CNTLN: variants seen among roughly 807,000 people sequenced by gnomAD.
The protein encoded by CNTLN is centlein, centrosomal protein.
CNTLN carries 212 observed loss-of-function variants against 180.0 expected under a neutral mutation model. The ratio of observed to expected loss-of-function variants is 1.18; its 90% confidence interval spans 1.05 to 1.32. CNTLN has a LOEUF of 1.32. Ranked by LOEUF, CNTLN falls within the 40% of genes most tolerant of loss-of-function variation. The probability of loss-of-function intolerance (pLI) is 0.00; values close to 1 mark genes in which losing one functional copy is unlikely to be tolerated. For missense variants in CNTLN, 2,095 were observed against 1,610.9 expected (o/e 1.30, Z -5.14); for synonymous variants, 722 against 563.1 (o/e 1.28, Z -3.99).
intron 12 of CNTLN, among the ~76,000 whole-genome samples, chr9:17,359,816 C>T (rs930598895): frequency 1.4e-5 from 2 of 145,114 alleles, no homozygotes; most frequent in East Asian, 2.1e-4. Flanking sequence ...AGGAGAATGG[C>T]GTGAACCTGG....
intron 2 of CNTLN, among the ~76,000 whole-genome samples, chr9:17,215,085 G>A (rs374351356): frequency 9.9e-5 from 15 of 152,284 alleles, no homozygotes; most frequent in African/African-American, 2.9e-4. Flanking sequence ...GCTTTGTTCC[G>A]TTGCTGGCGA....
At chr9:17,313,536 T>C (rs1479668999) in intron 8 of CNTLN, among the ~76,000 whole-genome samples, 2 of 152,122 alleles carry the variant, frequency 1.3e-5, no homozygotes, top group African/African-American at 2.4e-5. Context: ...TTGTCCGGCT[T>C]TCCTTTTTTC....
At chr9:17,291,657 G>C (rs1385031021) in intron 6 of CNTLN, among the ~76,000 whole-genome samples, 1 of 152,020 alleles carries the variant, frequency 6.6e-6, no homozygotes, top group Non-Finnish European at 1.5e-5. Flanking sequence ...CCATTTGCTT[G>C]GTATATTTTC....
At chr9:17,489,091 T>C (rs375016029) in intron 25 of CNTLN, among the ~76,000 whole-genome samples, 19 of 152,292 alleles carry the variant, frequency 1.2e-4, no homozygotes, top group Middle Eastern at 6.8e-3. Flanking sequence ...TGAATGTCAC[T>C]TTATAATTAC....
chr9:17,313,931 T>G (rs558014635), intron 8 of CNTLN, among the ~76,000 whole-genome samples: 24 of 152,242 alleles, frequency 1.6e-4, no homozygotes, highest in African/African-American at 5.8e-4. Context: ...CAAGTGGCAT[T>G]CAGCACATGC....
intron 5 of CNTLN, among the ~76,000 whole-genome samples, chr9:17,256,070 C>T (rs1211050974): frequency 6.6e-6 from 1 of 151,756 alleles, no homozygotes; most frequent in Non-Finnish European, 1.5e-5. Flanking sequence ...CAGCTAAATC[C>T]ATATTGCTGA....
chr9:17,189,377 C>T (rs575539056), intron 2 of CNTLN, among the ~76,000 whole-genome samples: 5 of 150,610 alleles, frequency 3.3e-5, no homozygotes, highest in East Asian at 2.0e-4. Flanking sequence ...CCACCGTGCC[C>T]GGCCAGGACT....
intron 2 of CNTLN, among the ~76,000 whole-genome samples, chr9:17,192,068 T>C (rs1432347550): frequency 1.3e-5 from 2 of 152,192 alleles, no homozygotes; most frequent in African/African-American, 4.8e-5. Context: ...AATATTCCTA[T>C]ATACTATCAT....
the CNTLN span, among the ~76,000 whole-genome samples, chr9:17,516,442 A>G: frequency 6.6e-6 from 1 of 152,222 alleles, no homozygotes; most frequent in East Asian, 1.9e-4. Context: ...GAACCTTCAG[A>G]CATGAAGACC....
At chr9:17,268,828 G>A (rs1008648191) in intron 5 of CNTLN, among the ~76,000 whole-genome samples, 3 of 151,722 alleles carry the variant, frequency 2.0e-5, no homozygotes, top group Non-Finnish European at 2.9e-5. Flanking sequence ...TGTGGGCGTA[G>A]GACCCTCTGA....
chr9:17,153,324 T>C (rs889564774), intron 2 of CNTLN, among the ~76,000 whole-genome samples: 1 of 152,230 alleles, frequency 6.6e-6, no homozygotes, highest in Non-Finnish European at 1.5e-5. Context: ...AGTGCTTCTT[T>C]CAGAAGCTCT....
At chr9:17,159,253 C>T (rs543039837) in intron 2 of CNTLN, among the ~76,000 whole-genome samples, 47 of 152,302 alleles carry the variant, frequency 3.1e-4, no homozygotes, top group African/African-American at 1.1e-3. Context: ...CTTCTCTACA[C>T]TGTGTTGCAA....
intron 8 of CNTLN, among the ~76,000 whole-genome samples, chr9:17,320,717 G>T (rs1819852218): frequency 6.6e-6 from 1 of 151,862 alleles, no homozygotes; most frequent in Non-Finnish European, 1.5e-5. Context: ...TGGCCAGGCT[G>T]GTCTCGAACT....
intron 2 of CNTLN, among the ~76,000 whole-genome samples, chr9:17,225,022 C>G (rs1824375720): frequency 6.6e-6 from 1 of 151,838 alleles, no homozygotes; most frequent in Non-Finnish European, 1.5e-5. Flanking sequence ...TTATAGTTGC[C>G]TTTAAATTGT....
chr9:17,233,984 T>C (rs1394403385), intron 3 of CNTLN, among the ~76,000 whole-genome samples: 1 of 152,102 alleles, frequency 6.6e-6, no homozygotes, highest in East Asian at 1.9e-4. Flanking sequence ...TCAAAGATAA[T>C]GGTACAGTTG....
At chr9:17,401,926 T>TAG (rs1827009808) in intron 15 of CNTLN, among the ~76,000 whole-genome samples, 1 of 127,358 alleles carries the variant, frequency 7.9e-6, no homozygotes, top group Non-Finnish European at 1.8e-5. Flanking sequence ...AGGACTAATA[T>TAG]CCAGAAGATT....
At chr9:17,276,381 A>G (rs562499808) in intron 6 of CNTLN, among the ~76,000 whole-genome samples, 1 of 152,164 alleles carries the variant, frequency 6.6e-6, no homozygotes, top group African/African-American at 2.4e-5. Flanking sequence ...TTGAATCTTT[A>G]TGTTGTAATC....
At chr9:17,446,282 C>T in intron 18 of CNTLN, among the ~76,000 whole-genome samples, 1 of 152,194 alleles carries the variant, frequency 6.6e-6, no homozygotes, top group East Asian at 1.9e-4. Flanking sequence ...TCTCGTTCCA[C>T]CTTACGAGAA....
intron 12 of CNTLN, among the ~76,000 whole-genome samples, chr9:17,360,525 A>G (rs916175080): frequency 5.2e-4 from 79 of 152,180 alleles, no homozygotes; most frequent in African/African-American, 1.8e-3. Context: ...CCAGTTAGAT[A>G]TTGGCCTTGA....
Sources: allele counts gnomAD v4.1 joint callset (sites outside exome capture counted in the v4.1 genomes callset), GRCh38; gene constraint gnomAD v4.1.1; transcripts MANE v1.5; gene names NCBI Gene and HGNC (gene_info 2026-07-23, HGNC 2026-07-21).